Variants in TANGO6 observed in about 807,000 individuals in gnomAD.
TANGO6 encodes transport and Golgi organization protein 6 homolog.
Under a neutral mutation model 114.2 loss-of-function variants are expected in TANGO6, and 90 were observed. The observed-to-expected ratio is 0.79, with a 90% CI of 0.66 to 0.94. TANGO6 has a LOEUF of 0.94. Ranked by LOEUF, TANGO6 falls within the 40% of genes least tolerant of loss-of-function variation. The pLI is 0.00. For missense variants in TANGO6, 1,274 were observed against 1,315.3 expected (o/e 0.97, Z 0.49); for synonymous variants, 477 against 509.8 (o/e 0.94, Z 0.87).
At chr16:68,956,381 A>G (rs1381214924) in intron 14 of TANGO6, among the ~76,000 whole-genome samples, 1 of 152,152 alleles carries the variant, frequency 6.6e-6, no homozygotes, top group East Asian at 1.9e-4. Context: ...CATTGCAGAA[A>G]TGAAAGCCCA....
chr16:68,912,113 A>G (rs1962929358), intron 11 of TANGO6, among the ~76,000 whole-genome samples: 1 of 152,236 alleles, frequency 6.6e-6, no homozygotes, highest in African/African-American at 2.4e-5. Context: ...GTTTCCTGTA[A>G]GAATTGTATG....
chr16:68,897,907 A>G (rs998709304), intron 7 of TANGO6, among the ~76,000 whole-genome samples: 4 of 152,168 alleles, frequency 2.6e-5, no homozygotes, highest in African/African-American at 9.6e-5. Flanking sequence ...GCAACAACAT[A>G]TAACCCTGAG....
intron 3 of TANGO6, among the ~76,000 whole-genome samples, chr16:68,865,644 C>T (rs748772823): frequency 1.1e-4 from 17 of 151,864 alleles, no homozygotes; most frequent in African/African-American, 2.9e-4. Flanking sequence ...AAAAGAAATC[C>T]GGCCGGGCGC....
chr16:68,995,766 TAAAC>T (rs1355097491), intron 15 of TANGO6, among the ~76,000 whole-genome samples: 5 of 152,172 alleles, frequency 3.3e-5, no homozygotes, highest in Non-Finnish European at 7.3e-5. Flanking sequence ...CTTACGAAGT[TAAAC>T]AAAGAAAGAT....
chr16:68,925,340 G>A (rs1156842083), intron 12 of TANGO6, among the ~76,000 whole-genome samples: 2 of 152,080 alleles, frequency 1.3e-5, no homozygotes, highest in African/African-American at 2.4e-5. Flanking sequence ...ATTCCCTAAT[G>A]ACTTATGACA....
At position 69,083,621 on chromosome 16, in the gene TANGO6, C is replaced by A; in HGVS notation, c.3245C>A (p.Pro1082His). 6.3e-7 allele frequency: 1 copy of A among 1,576,734 alleles called. No individual in the cohort carries two copies. The highest frequency in any genetic ancestry group is 8.6e-7 in the Non-Finnish European group (1 of 1,161,048). Residue 1082 changes from proline to histidine, a missense_variant, in exon 18 of 18, where the codon CCT (proline) becomes CAT (histidine). By Grantham distance (77) the Pro-to-His change is moderately conservative (BLOSUM62 -2). Transcript: ENST00000261778. ...GACATCATGAAAAACTTCCTGTTCC[C>A]TCCACAGAAGCTGGAGAAGAAGATC... is the stretch of plus-strand genomic sequence containing the variant. ...LDDIMKNFLF[P>H]PQKLEKKIMV...
chr16:68,939,122 C>T (rs1394629066), intron 14 of TANGO6, among the ~76,000 whole-genome samples: 1 of 148,452 alleles, frequency 6.7e-6, no homozygotes, highest in East Asian at 2.0e-4. Flanking sequence ...CAAAAAAAAC[C>T]TTAAAAGTTA....
At chr16:68,927,013 A>G (rs1002191095) in intron 12 of TANGO6, 1 of 154,864 alleles carries the variant, frequency 6.5e-6, no homozygotes, top group Non-Finnish European at 1.4e-5. Context: ...GCTTCCATGG[A>G]GAATAAAATG....
intron 15 of TANGO6, among the ~76,000 whole-genome samples, chr16:69,009,143 G>A (rs1252225411): frequency 3.6e-5 from 5 of 140,352 alleles, no homozygotes; most frequent in Non-Finnish European, 4.5e-5. Context: ...GTGCAGTGGC[G>A]TGATCTCGGC....
chr16:68,982,762 G>T (rs1044728413), intron 15 of TANGO6, among the ~76,000 whole-genome samples: 1 of 151,220 alleles, frequency 6.6e-6, no homozygotes, highest in Non-Finnish European at 1.5e-5. Flanking sequence ...ATGAGCCACG[G>T]TGCCCAGTCC....
At chr16:68,869,500 C>G (rs1193346879) in intron 4 of TANGO6, among the ~76,000 whole-genome samples, 1 of 152,134 alleles carries the variant, frequency 6.6e-6, no homozygotes, top group Non-Finnish European at 1.5e-5. Flanking sequence ...AAACAAAAAC[C>G]CACCAGATAT....
chr16:69,018,746 C>A lies in TANGO6; in HGVS notation c.2843-4082C>A, dbSNP rs574253513. Among the ~76,000 whole-genome samples, 3 of 151,324 alleles carry A rather than the reference C, an allele frequency of 2.0e-5. No individual in the cohort carries two copies. In the East Asian group the frequency reaches 5.9e-4, roughly 30 times the overall value. ...GACTATCCTGGCTAACACGGTGAAA[C>A]CCCATCTCTACTAAAAATATTAAAA... On this transcript the variant is annotated intron_variant, in intron 15 of 17. Transcript: ENST00000261778.
chr16:69,012,408 T>C (rs546959192), intron 15 of TANGO6, among the ~76,000 whole-genome samples: 1 of 151,530 alleles, frequency 6.6e-6, no homozygotes, highest in South Asian at 2.1e-4. Context: ...AATACAAAAT[T>C]AGCCAGGCAT....
intron 3 of TANGO6, among the ~76,000 whole-genome samples, chr16:68,866,191 A>G (rs1423406398): frequency 1.3e-5 from 2 of 149,660 alleles, no homozygotes; most frequent in Non-Finnish European, 3.0e-5. Flanking sequence ...TTGATTTTTC[A>G]CTTTCACTGT....
chr16:68,903,071 C>A (rs758414493), intron 9 of TANGO6, among the ~76,000 whole-genome samples: 2 of 152,120 alleles, frequency 1.3e-5, no homozygotes, highest in Non-Finnish European at 2.9e-5. Flanking sequence ...TACCTCAGAA[C>A]GTAAATTCCT....
At chr16:68,982,161 G>T (rs950892043) in intron 15 of TANGO6, among the ~76,000 whole-genome samples, 1 of 152,070 alleles carries the variant, frequency 6.6e-6, no homozygotes, top group African/African-American at 2.4e-5. Flanking sequence ...TAGAACCCAC[G>T]TGGGCCATTC....
chr16:69,082,279 T>C (rs1054079036), intron 17 of TANGO6, among the ~76,000 whole-genome samples: 2 of 152,036 alleles, frequency 1.3e-5, no homozygotes, highest in Non-Finnish European at 2.9e-5. Context: ...AATTTTTGTA[T>C]TTTTGGTAGA....
At chr16:68,890,476 C>CA (rs1166749060) in intron 7 of TANGO6, among the ~76,000 whole-genome samples, 1 of 152,210 alleles carries the variant, frequency 6.6e-6, no homozygotes, top group African/African-American at 2.4e-5. Flanking sequence ...GTGACAGAAA[C>CA]AAAATTCATA....
chr16:69,083,896 A>C lies in TANGO6; in HGVS notation c.*235A>C. 5 of 408,148 alleles carry C rather than the reference A, an allele frequency of 1.2e-5. No individual in the cohort carries two copies. Among genetic ancestry groups the C allele is most frequent in the Non-Finnish European group, 8.8e-6 (2 of 228,390 alleles). 25.3% of individuals were successfully genotyped at this position (408,148 alleles called of 1,614,324 possible). ...TTAAGAGAAGACAGTTACAGATCTC[A>C]TTAATCTACATTTTTCACTGTCCTC... is the stretch of plus-strand genomic sequence containing the variant. On this transcript the variant is annotated 3_prime_UTR_variant, in exon 18 of 18. Coordinates refer to ENST00000261778, the MANE Select transcript of TANGO6 (RefSeq NM_024562.2).
Sources: allele counts gnomAD v4.1 joint callset (sites outside exome capture counted in the v4.1 genomes callset), GRCh38; gene constraint gnomAD v4.1.1; transcripts MANE v1.5; gene names NCBI Gene and HGNC (gene_info 2026-07-23, HGNC 2026-07-21).